Variants in TANGO6 observed in about 807,000 individuals in gnomAD.
TANGO6 encodes transport and Golgi organization protein 6 homolog.
In TANGO6, 90 loss-of-function variants were observed where a neutral mutation model predicts 114.2. The ratio of observed to expected loss-of-function variants is 0.79; its 90% CI spans 0.66 to 0.94. The LOEUF (loss-of-function observed/expected upper bound fraction) is 0.94. Among genes scored for constraint, TANGO6 ranks in the 40% least tolerant of loss-of-function variants. TANGO6 has a pLI of 0.00. For synonymous variants in TANGO6, 477 were observed against 509.8 expected (o/e 0.94, Z 0.87); for missense variants, 1,274 against 1,315.3 (o/e 0.97, Z 0.49).
At chr16:68,990,658 C>T (rs1478779803) in intron 15 of TANGO6, among the ~76,000 whole-genome samples, 2 of 152,186 alleles carry the variant, frequency 1.3e-5, no homozygotes, top group Non-Finnish European at 2.9e-5. Flanking sequence ...CCTCCCACCT[C>T]AGCTTCCCAA....
intron 7 of TANGO6, among the ~76,000 whole-genome samples, chr16:68,897,387 C>T (rs990093573): frequency 1.3e-5 from 2 of 152,104 alleles, no homozygotes; most frequent in African/African-American, 4.8e-5. Context: ...TGTTCAGCAC[C>T]GTATCTGCAG....
intron 15 of TANGO6, among the ~76,000 whole-genome samples, chr16:68,985,134 A>G (rs1963878232): frequency 6.6e-6 from 1 of 152,068 alleles, no homozygotes; most frequent in African/African-American, 2.4e-5. Context: ...CGGCCTCCCA[A>G]AGTGTTAGGA....
chr16:69,007,269 C>CTTTTTT (rs546825543), intron 15 of TANGO6: 7 of 112,776 alleles, frequency 6.2e-5, no homozygotes, highest in Non-Finnish European at 7.4e-5. Flanking sequence ...TTTTTCTTTT[C>CTTTTTT]TTTTTTTTTT....
intron 15 of TANGO6, among the ~76,000 whole-genome samples, chr16:68,981,104 A>C (rs1963831682): frequency 1.3e-5 from 2 of 152,118 alleles, no homozygotes; most frequent in African/African-American, 4.8e-5. Flanking sequence ...TTAAATTACC[A>C]ATCATTCCAA....
intron 7 of TANGO6, among the ~76,000 whole-genome samples, chr16:68,889,603 T>A (rs1451836445): frequency 6.6e-6 from 1 of 152,190 alleles, no homozygotes; most frequent in Non-Finnish European, 1.5e-5. Context: ...AATTGAACTG[T>A]GACCTTGAAT....
intron 15 of TANGO6, among the ~76,000 whole-genome samples, chr16:68,980,435 A>ATATATATATAT (rs1317961639): frequency 3.2e-5 from 2 of 61,778 alleles, no homozygotes; most frequent in Non-Finnish European, 2.9e-5. Flanking sequence ...ATATATATAT[A>ATATATATATAT]TTTTTTTTTT....
chr16:68,962,690 G>C (rs1963604852), intron 14 of TANGO6, among the ~76,000 whole-genome samples: 1 of 152,058 alleles, frequency 6.6e-6, no homozygotes, highest in South Asian at 2.1e-4. Context: ...GAACCTGGGA[G>C]GCAGAGGTTG....
At position 69,006,512 on chromosome 16, in the gene TANGO6, G is replaced by A. The variant is rs144236068; in HGVS notation, c.2843-16316G>A. On this transcript the variant is annotated intron_variant, in intron 15 of 17. Coordinates refer to ENST00000261778, the MANE Select transcript of TANGO6 (RefSeq NM_024562.2). ...TAATCCTAGCACTTTGGGAGGCCAA[G>A]GAAAGTGGATCACCTGAGGTCAGGA... 5.0e-3 allele frequency among the ~76,000 whole-genome samples: 755 copies of A among 152,110 alleles called. 19 individuals are homozygous for A. In the East Asian group the frequency reaches 0.064, roughly 13 times the overall value.
At chr16:68,910,715 C>T (rs542134482) in intron 11 of TANGO6, among the ~76,000 whole-genome samples, 2 of 152,252 alleles carry the variant, frequency 1.3e-5, no homozygotes, top group South Asian at 2.1e-4. Context: ...CTGTCTCTGT[C>T]GCCCAGGCTG....
intron 17 of TANGO6, among the ~76,000 whole-genome samples, chr16:69,078,059 G>A (rs1960413570): frequency 6.6e-6 from 1 of 152,140 alleles, no homozygotes; most frequent in Non-Finnish European, 1.5e-5. Context: ...GCGGGGGTTA[G>A]GGAAAGAATC....
chr16:68,917,876 C>T (rs1247849095), intron 11 of TANGO6, among the ~76,000 whole-genome samples: 1 of 151,760 alleles, frequency 6.6e-6, no homozygotes, highest in Non-Finnish European at 1.5e-5. Context: ...CCTCAGTCTC[C>T]TGAGTAGCTG....
chr16:68,921,041 T>G (rs1963084273), intron 12 of TANGO6, among the ~76,000 whole-genome samples: 1 of 144,062 alleles, frequency 6.9e-6, no homozygotes. Context: ...AGGCGGAGGT[T>G]GCAGTGGGCG....
chr16:68,922,988 C>T (rs924256071), intron 12 of TANGO6, among the ~76,000 whole-genome samples: 12 of 122,656 alleles, frequency 9.8e-5, no homozygotes, highest in Non-Finnish European at 1.7e-4. Context: ...TCGCTCGTTG[C>T]CCAGGCTGGG....
At chr16:69,077,258 G>A (rs1007405529) in intron 17 of TANGO6, among the ~76,000 whole-genome samples, 1 of 151,590 alleles carries the variant, frequency 6.6e-6, no homozygotes, top group Non-Finnish European at 1.5e-5. Flanking sequence ...GTCCTGCTAT[G>A]TTACCCAGGC....
intron 17 of TANGO6, among the ~76,000 whole-genome samples, chr16:69,065,575 A>G (rs772871779): frequency 2.6e-5 from 4 of 152,148 alleles, no homozygotes; most frequent in African/African-American, 4.8e-5. Flanking sequence ...AGAAAGGGTA[A>G]AAGTGCCATT....
In TANGO6 at chr16:69,082,440, T is replaced by C. The variant is rs566323937; in HGVS notation, c.3109-1045T>C. Among the ~76,000 whole-genome samples the C allele has an allele frequency of 7.9e-5, 12 of 152,150 alleles. No individual in the cohort carries two copies. In the East Asian group the frequency reaches 2.3e-3, roughly 30 times the overall value. ...TTTAAAGTAGGGGCAAGGAAAGGTA[T>C]GACTGCTCAAGAAATAGCCTCCTAG... On this transcript the variant is annotated intron_variant, in intron 17 of 17. Transcript: ENST00000261778.
At chr16:69,067,408 G>C (rs573963836) in intron 17 of TANGO6, among the ~76,000 whole-genome samples, 9 of 151,592 alleles carry the variant, frequency 5.9e-5, no homozygotes, top group Non-Finnish European at 1.0e-4. Context: ...TACTCAGGAG[G>C]CTGAGGCAGG....
chr16:68,857,683 T>G (rs1021417955), intron 1 of TANGO6, among the ~76,000 whole-genome samples: 10 of 152,332 alleles, frequency 6.6e-5, no homozygotes, highest in Admixed American at 6.5e-4. Flanking sequence ...CAGCATTTAA[T>G]GTTGTCAGTG....
intron 6 of TANGO6, among the ~76,000 whole-genome samples, chr16:68,880,095 C>T (rs918016858): frequency 2.6e-5 from 4 of 152,096 alleles, no homozygotes; most frequent in East Asian, 1.9e-4. Flanking sequence ...GCCTCAGCCT[C>T]GTGAGTAGCT....
Sources: allele counts gnomAD v4.1 joint callset (sites outside exome capture counted in the v4.1 genomes callset), GRCh38; gene constraint gnomAD v4.1.1; transcripts MANE v1.5; gene names NCBI Gene and HGNC (gene_info 2026-07-23, HGNC 2026-07-21).